SDHA: variants seen among roughly 807,000 people sequenced by gnomAD.
SDHA encodes succinate dehydrogenase complex flavoprotein subunit A.
A neutral mutation model predicts 78.4 loss-of-function variants in SDHA; 48 were observed. The observed-to-expected ratio is 0.61, with a 90% CI of 0.49 to 0.78. SDHA has a LOEUF of 0.78. Among genes scored for constraint, SDHA ranks in the 30% least tolerant of loss-of-function variants. SDHA has a pLI of 0.00. For missense variants in SDHA, 680 were observed against 892.7 expected (o/e 0.76, Z 3.04); for synonymous variants, 326 against 353.9 (o/e 0.92, Z 0.88).
At chr5:241,204 A>G (rs1465177243) in intron 11 of SDHA, among the ~76,000 whole-genome samples, 6 of 152,136 alleles carry the variant, frequency 3.9e-5, no homozygotes, top group Non-Finnish European at 8.8e-5. Context: ...TGACCTGACC[A>G]TTGCTGGCTG....
intron 5 of SDHA, among the ~76,000 whole-genome samples, chr5:227,045 C>T (rs1735074869): frequency 6.6e-6 from 1 of 151,954 alleles, no homozygotes; most frequent in Non-Finnish European, 1.5e-5. Flanking sequence ...GAGTCTCACT[C>T]TGTCACCCAG....
chr5:262,711 G>C, the SDHA span, among the ~76,000 whole-genome samples: 1 of 152,202 alleles, frequency 6.6e-6, no homozygotes, highest in Non-Finnish European at 1.5e-5. Context: ...AGAAGTAAAT[G>C]GGCTGCTGCT....
At position 256,810 on chromosome 5, in the gene SDHA, CTT is replaced by C; in HGVS notation, c.*395_*396del. 3.9e-6 allele frequency: 1 copy of C among 253,400 alleles called. No homozygotes were observed. Among genetic ancestry groups the C allele is most frequent in the Non-Finnish European group, 7.4e-6 (1 of 134,652 alleles). The allele number at this position is 253,400 out of a possible 1,614,324, so 15.7% of individuals were successfully genotyped here. A position where few individuals can be genotyped will look rare whatever the true frequency, so the allele number is the denominator to read the frequency against. ...AAAATCCAGATATTTTGTATAGTTT[CTT>C]TTTTCTTTTTCTTTTCTTTTTTTTT... On this transcript the variant is annotated 3_prime_UTR_variant, in exon 15 of 15. Coordinates refer to ENST00000264932, the MANE Select transcript of SDHA (RefSeq NM_004168.4).
At chr5:258,675 T>A (rs867804550), downstream of SDHA, among the ~76,000 whole-genome samples, 2 of 66,548 alleles carry the variant, frequency 3.0e-5, no homozygotes, top group Admixed American at 1.6e-4. Context: ...CCGCCTCCTG[T>A]CACAGCATTA....
rs768276870 is a variant in SDHA, at chr5:233,649, C to T, written c.1064+4C>T. On this transcript the variant is annotated splice_donor_region_variant and intron_variant, in intron 8 of 14. Transcript: ENST00000264932. ...CTCTGGAGATCCGAGAAGGAAGGTG[C>T]GTGTGATTTACCACCAGCACTGTCT... 9.3e-6 allele frequency: 15 copies of T among 1,613,692 alleles called. No homozygotes were observed. The Admixed American group carries it at 2.2e-4, about 23-fold the overall frequency.
At chr5:233,063 A>T (rs978451262) in intron 7 of SDHA, among the ~76,000 whole-genome samples, 11 of 152,270 alleles carry the variant, frequency 7.2e-5, no homozygotes, top group African/African-American at 2.7e-4. Flanking sequence ...AATCATTATT[A>T]CTGTCCTTGT....
At chr5:221,166 T>C (rs1734693244) in intron 1 of SDHA, among the ~76,000 whole-genome samples, 1 of 152,196 alleles carries the variant, frequency 6.6e-6, no homozygotes, top group African/African-American at 2.4e-5. Flanking sequence ...AAAATTCTAG[T>C]GAGAATAATT....
chr5:242,445 C>T (rs1736201751), intron 11 of SDHA, among the ~76,000 whole-genome samples: 2 of 152,194 alleles, frequency 1.3e-5, no homozygotes, highest in Non-Finnish European at 2.9e-5. Context: ...GAGCCCATAC[C>T]TTTGTTTCCC....
rs564157221 is a variant in SDHA, at chr5:249,057, G to C, written c.1552-1935G>C. Reference sequence around the variant, plus strand: ...ACTTGTCTTTGGATATTGCAAAATTGAAAGAACAGATATTTGAAGCATCCC... The same window carrying C: ...ACTTGTCTTTGGATATTGCAAAATTCAAAGAACAGATATTTGAAGCATCCC... On this transcript the variant is annotated intron_variant, in intron 11 of 14. Coordinates refer to ENST00000264932, the MANE Select transcript of SDHA (RefSeq NM_004168.4). 7.3e-5 allele frequency: 30 copies of C among 413,384 alleles called. 1 individual carries two copies. The highest frequency in any genetic ancestry group is 5.2e-4 in the South Asian group (30 of 57,508). The allele number at this position is 413,384 out of a possible 1,614,324, so 25.6% of individuals were successfully genotyped here.
intron 6 of SDHA, among the ~76,000 whole-genome samples, chr5:229,413 A>T (rs1442100421): frequency 6.6e-6 from 1 of 152,264 alleles, no homozygotes; most frequent in East Asian, 1.9e-4. Flanking sequence ...ACTGAATATT[A>T]TTCGGCTATG....
chr5:238,649 A>G lies in SDHA; in HGVS notation c.1433-1709A>G, dbSNP rs536198930. On this transcript the variant is annotated intron_variant, in intron 10 of 14. Coordinates refer to ENST00000264932, the MANE Select transcript of SDHA (RefSeq NM_004168.4). ...CCTCCCGAAGTGGTTACATGCGCCTATACATGTGTTAAAATTGGTAGAACT... is the reference window on the plus strand; with the variant it reads ...CCTCCCGAAGTGGTTACATGCGCCTGTACATGTGTTAAAATTGGTAGAACT... 7.6e-4 allele frequency among the ~76,000 whole-genome samples: 116 copies of G among 152,280 alleles called. 1 individual carries two copies. The highest frequency in any genetic ancestry group is 2.6e-3 in the African/African-American group (106 of 41,562).
At chr5:223,667 A>T (rs1734841654) in intron 2 of SDHA, 99 bp downstream of exon 2, 1 of 832,678 alleles carries the variant, frequency 1.2e-6, no homozygotes, top group Admixed American at 1.8e-5. Flanking sequence ...GACATAAGGG[A>T]AAAATTTCTC....
chr5:254,311 T>A (rs1024600284), intron 13 of SDHA, 82 bp from the exon 14 acceptor site: 209 of 1,287,390 alleles, frequency 1.6e-4, no homozygotes, highest in Non-Finnish European at 2.2e-4. Context: ...ATCTGTCTCT[T>A]AGATCATGTT....
At chr5:220,017 A>G (rs1220837521) in intron 1 of SDHA, among the ~76,000 whole-genome samples, 3 of 152,260 alleles carry the variant, frequency 2.0e-5, no homozygotes, top group African/African-American at 7.2e-5. Context: ...AAGGAACAGC[A>G]TAATCAAAAA....
At chr5:250,517 C>T (rs1326510696) in intron 11 of SDHA, 2 of 250,940 alleles carry the variant, frequency 8.0e-6, no homozygotes, top group African/African-American at 4.5e-5. Context: ...CCCTCCCTCT[C>T]CTTGAAGACG....
chr5:258,712 G>C (rs1737372936), downstream of SDHA, among the ~76,000 whole-genome samples: 2 of 108,566 alleles, frequency 1.8e-5, no homozygotes, highest in South Asian at 5.5e-4. Context: ...TCCCGCCAGA[G>C]CATTACCGTG....
At chr5:222,131 A>G (rs1220891302) in intron 1 of SDHA, among the ~76,000 whole-genome samples, 1 of 152,188 alleles carries the variant, frequency 6.6e-6, no homozygotes, top group Non-Finnish European at 1.5e-5. Context: ...ACTAAGGTAG[A>G]AGAATATTTG....
chr5:258,518 G>A, downstream of SDHA, among the ~76,000 whole-genome samples: 1 of 119,432 alleles, frequency 8.4e-6, no homozygotes, highest in Non-Finnish European at 1.6e-5. Flanking sequence ...TCCGCCCCCT[G>A]CCAGAGCATT....
chr5:236,206 G>A, intron 9 of SDHA: 1 of 574,746 alleles, frequency 1.7e-6, no homozygotes, highest in Non-Finnish European at 3.2e-6. Flanking sequence ...TGTATTTTTA[G>A]TAGAGATGGG....
Sources: gnomAD v4.1 joint callset for allele counts (sites outside exome capture counted in the v4.1 genomes callset) on GRCh38, gnomAD v4.1.1 for gene constraint, MANE v1.5 for transcripts, NCBI Gene and HGNC (gene_info 2026-07-23, HGNC 2026-07-21) for gene names.